The following ASTN2 variants were observed in gnomAD, a reference collection of about 807,000 sequenced individuals.
ASTN2 encodes the protein astrotactin 2.
In ASTN2, 54 loss-of-function variants were observed where a neutral mutation model predicts 139.8. The observed-to-expected ratio is 0.39, with a 90% CI of 0.31 to 0.48. The LOEUF is 0.48. Among genes scored for constraint, ASTN2 ranks in the 20% least tolerant of loss-of-function variants. ASTN2 has a pLI of 0.95. For missense variants in ASTN2, 1,565 were observed against 1,725.1 expected, an observed-to-expected ratio of 0.91 and a Z score of 1.64; for synonymous variants, 756 against 719.5, an observed-to-expected ratio of 1.05 and a Z score of -0.81.
At chr9:116,512,914 T>A (rs1850463570) in intron 19 of ASTN2, among the ~76,000 whole-genome samples, 1 of 152,226 alleles carries the variant, frequency 6.6e-6, no homozygotes, top group South Asian at 2.1e-4. Flanking sequence ...GAGATGGGTA[T>A]CCTGAATACA....
At chr9:117,399,778 C>T (rs768209257) in intron 1 of ASTN2, among the ~76,000 whole-genome samples, 9 of 152,110 alleles carry the variant, frequency 5.9e-5, no homozygotes, top group Non-Finnish European at 7.4e-5. Flanking sequence ...CCAAGGTTTT[C>T]GGGTTGAATT....
intron 10 of ASTN2, among the ~76,000 whole-genome samples, chr9:116,954,471 C>A (rs1395576444): frequency 6.6e-6 from 1 of 152,144 alleles, no homozygotes; most frequent in East Asian, 1.9e-4. Flanking sequence ...GCAGCAATGC[C>A]CTGGAATCTA....
At position 117,017,765 on chromosome 9, in the gene ASTN2, T is replaced by C. The variant is rs1016771046; in HGVS notation, c.1424-9506A>G. 4.1e-4 allele frequency among the ~76,000 whole-genome samples: 63 copies of C among 152,172 alleles called. 2 individuals are homozygous for C. The highest frequency in any genetic ancestry group is 1.0e-4 in the Non-Finnish European group (7 of 68,016). ...ATTGTATATCTGTCTGTATATACAA[T>C]ACATATTACTATATATTTTGCATGT... On this transcript the variant is annotated intron_variant, in intron 6 of 22. Coordinates refer to ENST00000313400, the MANE Select transcript of ASTN2 (RefSeq NM_001365068.1).
chr9:116,657,611 C>T (rs1588150125), intron 16 of ASTN2, among the ~76,000 whole-genome samples: 1 of 152,150 alleles, frequency 6.6e-6, no homozygotes, highest in Non-Finnish European at 1.5e-5. Flanking sequence ...GAGGCCAAGG[C>T]GGGTGAACCA....
At chr9:117,063,107 T>C (rs1411171213) in intron 5 of ASTN2, among the ~76,000 whole-genome samples, 3 of 152,226 alleles carry the variant, frequency 2.0e-5, no homozygotes, top group Non-Finnish European at 2.9e-5. Context: ...ACCACATTAA[T>C]GTAGATTTTC....
At chr9:116,676,171 G>A (rs1161810572) in intron 16 of ASTN2, among the ~76,000 whole-genome samples, 1 of 152,172 alleles carries the variant, frequency 6.6e-6, no homozygotes, top group African/African-American at 2.4e-5. Context: ...CAGAGAAAAG[G>A]AAACTGGAAA....
intron 19 of ASTN2, among the ~76,000 whole-genome samples, chr9:116,533,035 T>C (rs975692287): frequency 2.0e-5 from 3 of 152,190 alleles, no homozygotes; most frequent in Non-Finnish European, 4.4e-5. Flanking sequence ...TTTTATCTCA[T>C]TGAGCAGTGG....
At position 117,210,596 on chromosome 9, in the gene ASTN2, G is replaced by T. The variant is rs553472235; in HGVS notation, c.1015+3762C>A. ...TCCAACAAAGAAAAGTACAGGACCA[G>T]ATGGCTTCACCACTCAATTCTGCTG... On this transcript the variant is annotated intron_variant, in intron 3 of 22. Coordinates refer to ENST00000313400, the MANE Select transcript of ASTN2 (RefSeq NM_001365068.1). Among the ~76,000 whole-genome samples the T allele has an allele frequency of 3.9e-5, 6 of 152,244 alleles. No individual in the cohort carries two copies. In the South Asian group the frequency reaches 8.3e-4, roughly 21 times the overall value.
chr9:117,125,826 C>G (rs200926079), intron 4 of ASTN2, among the ~76,000 whole-genome samples: 2,022 of 88,616 alleles, frequency 0.023, 47 homozygotes, highest in African/African-American at 0.084. Context: ...CATTTCATTG[C>G]GGCGGGGGGG....
intron 3 of ASTN2, among the ~76,000 whole-genome samples, chr9:117,179,752 A>T (rs1014790955): frequency 1.3e-5 from 2 of 152,130 alleles, no homozygotes; most frequent in Non-Finnish European, 2.9e-5. Flanking sequence ...TTTCTGCCTG[A>T]TTCTGAAAGA....
intron 19 of ASTN2, among the ~76,000 whole-genome samples, chr9:116,572,504 G>T (rs555703351): frequency 6.6e-5 from 10 of 152,320 alleles, no homozygotes; most frequent in African/African-American, 2.2e-4. Flanking sequence ...ATGTTTTGGA[G>T]AATGAAAGAG....
At chr9:117,131,146 C>G (rs1315580811) in intron 4 of ASTN2, among the ~76,000 whole-genome samples, 1 of 152,062 alleles carries the variant, frequency 6.6e-6, no homozygotes, top group South Asian at 2.1e-4. Flanking sequence ...CTATGTGGAC[C>G]AAAAATAAAA....
At chr9:117,126,912 A>G (rs1829702665) in intron 4 of ASTN2, among the ~76,000 whole-genome samples, 1 of 152,218 alleles carries the variant, frequency 6.6e-6, no homozygotes, top group African/African-American at 2.4e-5. Flanking sequence ...AGCTGAAAGA[A>G]TAATGAAAGT....
chr9:117,173,988 A>AC (rs397775371), intron 3 of ASTN2, among the ~76,000 whole-genome samples: 1 of 151,546 alleles, frequency 6.6e-6, no homozygotes, highest in Non-Finnish European at 1.5e-5. Context: ...AACAAAAAAA[A>AC]CACTAATAAA....
At chr9:117,309,682 C>CA (rs535249696) in intron 1 of ASTN2, among the ~76,000 whole-genome samples, 1 of 152,086 alleles carries the variant, frequency 6.6e-6, no homozygotes, top group Non-Finnish European at 1.5e-5. Flanking sequence ...GATTTGGCTA[C>CA]AAAAAAGTGG....
At chr9:117,375,725 C>G (rs374308840) in intron 1 of ASTN2, among the ~76,000 whole-genome samples, 2 of 152,140 alleles carry the variant, frequency 1.3e-5, no homozygotes, top group African/African-American at 2.4e-5. Flanking sequence ...GCTGCTGTAA[C>G]GAATGACCAC....
At chr9:116,815,349 G>A (rs1831281130) in intron 12 of ASTN2, among the ~76,000 whole-genome samples, 1 of 152,106 alleles carries the variant, frequency 6.6e-6, no homozygotes, top group South Asian at 2.1e-4. Context: ...TGTGTTATTT[G>A]AGCTAATGTG....
intron 19 of ASTN2, among the ~76,000 whole-genome samples, chr9:116,570,434 G>C (rs1158817077): frequency 1.3e-5 from 2 of 151,754 alleles, no homozygotes; most frequent in Non-Finnish European, 2.9e-5. Context: ...GGTCGCCCCG[G>C]CTCCAGGCTG....
chr9:116,867,273 GAGAAGGTGGGAGGGA>G (rs1564313209), intron 10 of ASTN2, among the ~76,000 whole-genome samples: 2 of 152,116 alleles, frequency 1.3e-5, no homozygotes, highest in Non-Finnish European at 2.9e-5. Context: ...AGGAGAGGGA[GAGAAGGTGGGAGGGA>G]GAGTGAGAAA....
Sources: allele counts gnomAD v4.1 joint callset (sites outside exome capture counted in the v4.1 genomes callset), GRCh38; gene constraint gnomAD v4.1.1; transcripts MANE v1.5; gene names NCBI Gene and HGNC (gene_info 2026-07-23, HGNC 2026-07-21).